Variants in GAS6 observed in about 807,000 individuals in gnomAD.
GAS6 encodes the protein growth arrest specific 6.
A neutral mutation model predicts 75.8 loss-of-function variants in GAS6; 41 were observed. The observed-to-expected ratio is 0.54, with a 90% confidence interval of 0.42 to 0.70. The LOEUF (loss-of-function observed/expected upper bound fraction) is 0.70. GAS6 is among the 30% of genes least tolerant of loss of function. The pLI, the probability that GAS6 is intolerant of heterozygous loss-of-function variation, is 0.00. For synonymous variants in GAS6, 432 were observed against 412.6 expected (o/e 1.05, Z -0.57); for missense variants, 854 against 940.2 (o/e 0.91, Z 1.20).
chr13:113,822,157 G>T lies in GAS6; in HGVS notation c.1683C>A (p.Ala561=). ...QLVVLAVEHT[A]LALMEIKVCD... is the part of the protein sequence containing the mutation. ...AGACCTTGATCTCCATTAGGGCCAAGGCCGTATGCTCCACGGCCAGGACCA... is the reference window on the plus strand; with the variant it reads ...AGACCTTGATCTCCATTAGGGCCAATGCCGTATGCTCCACGGCCAGGACCA... Residue 561 remains alanine (A), a synonymous_variant, in exon 14 of 15, where the codon GCC becomes GCA. Coordinates refer to ENST00000327773, the MANE Select transcript of GAS6 (RefSeq NM_000820.4). 1 of 1,581,580 alleles carries T rather than the reference G, an allele frequency of 6.3e-7. No homozygotes were observed. Among genetic ancestry groups the T allele is most frequent in the Non-Finnish European group, 8.6e-7 (1 of 1,161,656 alleles).
intron 12 of GAS6, among the ~76,000 whole-genome samples, chr13:113,826,472 GGCAC>G (rs1295008130): frequency 8.8e-4 from 95 of 107,442 alleles, no homozygotes; most frequent in East Asian, 2.0e-3. Flanking sequence ...CGGCCTCGCA[GGCAC>G]CTTCTCTCCC....
At chr13:113,858,577 CTGTG>C (rs370315500) in intron 2 of GAS6, among the ~76,000 whole-genome samples, 9 of 143,040 alleles carry the variant, frequency 6.3e-5, no homozygotes, top group Admixed American at 1.4e-4. Flanking sequence ...GTGTGCATGT[CTGTG>C]TGTGACTGTG....
chr13:113,849,354 A>G (rs2051856940), intron 2 of GAS6, among the ~76,000 whole-genome samples: 1 of 152,126 alleles, frequency 6.6e-6, no homozygotes, highest in Non-Finnish European at 1.5e-5. Context: ...TGGGTTGGCA[A>G]ACTCCAAGAA....
At chr13:113,833,851 G>T in intron 8 of GAS6, 1 of 1,038,358 alleles carries the variant, frequency 9.6e-7, no homozygotes, top group South Asian at 2.8e-5. Flanking sequence ...AGGTACTGTT[G>T]TGACAGGTCG....
intron 12 of GAS6, among the ~76,000 whole-genome samples, chr13:113,824,354 G>A (rs867516389): frequency 4.5e-5 from 5 of 112,214 alleles, no homozygotes; most frequent in East Asian, 2.8e-4. Flanking sequence ...GGGAGCACCT[G>A]CGGTCTGGGG....
At chr13:113,821,742 G>A (rs910977416) in intron 14 of GAS6, 6 of 530,132 alleles carry the variant, frequency 1.1e-5, no homozygotes, top group South Asian at 2.9e-5. Flanking sequence ...GCCGGCCCCC[G>A]TACGTGTTTC....
In GAS6 at chr13:113,823,386, G is replaced by A. The variant is rs1383390781; in HGVS notation, c.1642C>T (p.Leu548Phe). 1.2e-6 allele frequency: 2 copies of A among 1,610,262 alleles called. No homozygotes were observed. Among genetic ancestry groups the A allele is most frequent in the Non-Finnish European group, 1.7e-6 (2 of 1,178,318 alleles). The change falls in exon 13 of 15, where the codon CTC becomes TTC. Residue 548 changes from leucine to phenylalanine, a missense_variant. Physicochemically the swap from Leu to Phe is conservative, Grantham distance 22. Transcript: ENST00000327773. ...ALVDYHSTKKLKKQLVVLAVE... is the reference protein window; with the variant it reads ...ALVDYHSTKKFKKQLVVLAVE... ...GGCGGAGGCCCTACCTGCTTCTTGA[G>A]TTTCTTCGTGGAGTGATAGTCTACC...
intron 2 of GAS6, among the ~76,000 whole-genome samples, chr13:113,860,031 G>C (rs2051958034): frequency 1.3e-5 from 2 of 152,238 alleles, no homozygotes; most frequent in Admixed American, 6.5e-5. Flanking sequence ...GGTGCTTGGA[G>C]GGCACATGCA....
chr13:113,849,596 C>G (rs1028112927), intron 2 of GAS6, among the ~76,000 whole-genome samples: 1 of 152,218 alleles, frequency 6.6e-6, no homozygotes, highest in Non-Finnish European at 1.5e-5. Flanking sequence ...CCTAACTATA[C>G]ACAAATGCTT....
chr13:113,835,369 T>C (rs2051688986), intron 7 of GAS6, 144 bp downstream of exon 7: 1 of 993,130 alleles, frequency 1.0e-6, no homozygotes, highest in Non-Finnish European at 1.5e-6. Flanking sequence ...GCACAGGCCA[T>C]TACCAGGCTG....
chr13:113,838,094 G>A lies in GAS6; in HGVS notation c.564C>T (p.Leu188=), dbSNP rs1197271943. 1.2e-6 allele frequency: 2 copies of A among 1,612,778 alleles called. No individual in the cohort carries two copies. Among genetic ancestry groups the A allele is most frequent in the African/African-American group, 2.7e-5 (2 of 74,934 alleles). The change falls in exon 6 of 15, where the codon CTC becomes CTT. Residue 188 remains leucine (L), a synonymous_variant. Transcript: ENST00000327773. ...FHCSCHSGFE[L]SSDGRTCQDI... ...CTTGGCAGGTCCTGCCATCAGAGGA[G>A]AGCTCGAAGCCGCTGTGGCAGGAAC...
intron 3 of GAS6, 54 bp downstream of exon 3, chr13:113,847,972 C>T: frequency 6.6e-7 from 1 of 1,522,754 alleles, no homozygotes; most frequent in Non-Finnish European, 9.1e-7. Context: ...ATGAAACACG[C>T]ACCCCCAACT....
At chr13:113,857,025 G>A (rs1372338967) in intron 2 of GAS6, among the ~76,000 whole-genome samples, 2 of 152,220 alleles carry the variant, frequency 1.3e-5, no homozygotes, top group Non-Finnish European at 2.9e-5. Flanking sequence ...GGCTGGCTGG[G>A]TCAAGCTGTG....
chr13:113,821,175 G>C (rs2051453126), intron 14 of GAS6, 157 bp from the exon 15 acceptor site: 1 of 756,060 alleles, frequency 1.3e-6, no homozygotes, highest in African/African-American at 1.8e-5. Flanking sequence ...CGTTCGTTTG[G>C]CCGCAGACCC....
intron 12 of GAS6, 98 bp downstream of exon 12, chr13:113,826,898 G>T: frequency 2.1e-6 from 1 of 468,192 alleles, no homozygotes; most frequent in Non-Finnish European, 2.9e-6. Context: ...GCCTCAGCTT[G>T]TCCTGACGCT....
chr13:113,854,544 C>T (rs2051899588), intron 2 of GAS6, among the ~76,000 whole-genome samples: 1 of 152,266 alleles, frequency 6.6e-6, no homozygotes, highest in South Asian at 2.1e-4. Flanking sequence ...CGACAGCCCC[C>T]AGCAGGGTGT....
intron 8 of GAS6, chr13:113,833,063 A>G (rs1253987377): frequency 4.0e-6 from 5 of 1,260,656 alleles, no homozygotes; most frequent in Non-Finnish European, 5.1e-6. Context: ...AATTACAGAG[A>G]ATCATTAAAA....
chr13:113,826,450 G>A (rs1421964659), intron 12 of GAS6, among the ~76,000 whole-genome samples: 35 of 123,176 alleles, frequency 2.8e-4, no homozygotes, highest in African/African-American at 9.4e-4. Flanking sequence ...TCTCTCCCCA[G>A]CCTCCCGGCG....
At chr13:113,834,735 C>A in intron 7 of GAS6, 63 bp from the exon 8 acceptor site, 2 of 1,371,198 alleles carry the variant, frequency 1.5e-6, no homozygotes, top group Non-Finnish European at 1.9e-6. Flanking sequence ...GCCGTGGGAT[C>A]ACACCGCGAT....
Sources: gnomAD v4.1 joint callset for allele counts (sites outside exome capture counted in the v4.1 genomes callset) on GRCh38, gnomAD v4.1.1 for gene constraint, MANE v1.5 for transcripts, NCBI Gene and HGNC (gene_info 2026-07-23, HGNC 2026-07-21) for gene names.